The following ZBTB16 variants were observed in gnomAD, a reference collection of about 807,000 sequenced individuals.
The protein encoded by ZBTB16 is zinc finger and BTB domain containing 16.
Under a neutral mutation model 56.8 loss-of-function variants are expected in ZBTB16, and 8 were observed. That is an observed-to-expected ratio of 0.14 (90% CI 0.08 to 0.25). The LOEUF (loss-of-function observed/expected upper bound fraction) is 0.25. Among genes scored for constraint, ZBTB16 ranks in the 10% least tolerant of loss-of-function variants. The pLI, the probability that ZBTB16 is intolerant of heterozygous loss-of-function variation, is 1.00. For missense variants in ZBTB16, 625 were observed against 903.0 expected, an observed-to-expected ratio of 0.69 and a Z score of 3.95; for synonymous variants, 363 against 368.5, an observed-to-expected ratio of 0.98 and a Z score of 0.17.
rs574446147 is a variant in ZBTB16 at position 114,143,496 on chromosome 11, C to T, written c.1269-12841C>T. On this transcript the variant is annotated intron_variant, in intron 2 of 6. Coordinates refer to ENST00000335953, the MANE Select transcript of ZBTB16 (RefSeq NM_006006.6). This position sits in a 1 kb window ranked among gnomAD's most constrained non-coding sequence, Gnocchi z 6.4. ...GGCTTCTAGGGATGGTACTGACCCT[C>T]TTGCCTAGTGAAATGTCCTTTTGGA... Among the ~76,000 whole-genome samples the T allele has an allele frequency of 6.6e-6, 1 of 152,290 alleles. No individual in the cohort carries two copies. The highest frequency in any genetic ancestry group is 2.1e-4 in the South Asian group (1 of 4,824).
At position 114,064,162 on chromosome 11, in the gene ZBTB16, G is replaced by A. The variant is rs1255771928; in HGVS notation, c.862G>A (p.Val288Ile). 5 of 1,613,768 alleles carry A rather than the reference G, an allele frequency of 3.1e-6. No homozygotes were observed. The highest frequency in any genetic ancestry group is 2.2e-5 in the East Asian group (1 of 44,880). Residue 288 changes from valine (V) to isoleucine (I), a missense_variant, in exon 2 of 7, where the codon GTC (valine) becomes ATC (isoleucine). Val to Ile is a conservative substitution (Grantham distance 29). Transcript: ENST00000335953. The surrounding 1 kb of genome is among the most constrained non-coding windows in gnomAD (Gnocchi z 4.2). ...GCCTGGGACCCCGACTCGAAGCAGC[G>A]TCATCACCAGTGCTAGGGAGCTACA... ...EGPGTPTRSSVITSARELHYG... is the reference protein window; with the variant it reads ...EGPGTPTRSSIITSARELHYG...
rs573761326 is a variant in ZBTB16, at chr11:114,146,307, G to T, written c.1269-10030G>T. ...TCTCGGTGACTCCTTTTTAGCTGCTGGTTTTCCTGCCCCTTTCAGGGAAAG... is the reference window on the plus strand; with the variant it reads ...TCTCGGTGACTCCTTTTTAGCTGCTTGTTTTCCTGCCCCTTTCAGGGAAAG... On this transcript the variant is annotated intron_variant, in intron 2 of 6. Coordinates refer to ENST00000335953, the MANE Select transcript of ZBTB16 (RefSeq NM_006006.6). Among the ~76,000 whole-genome samples, 7 of 152,096 alleles carry T rather than the reference G, an allele frequency of 4.6e-5. No homozygotes were observed. In the East Asian group the frequency reaches 1.4e-3, roughly 29 times the overall value.
In ZBTB16 at chr11:114,250,686, T is replaced by C. The variant is rs1944903020; in HGVS notation, c.*131T>C. 3 of 1,090,188 alleles carry C rather than the reference T, an allele frequency of 2.8e-6. No individual in the cohort carries two copies. Among genetic ancestry groups the C allele is most frequent in the Non-Finnish European group, 2.6e-6 (2 of 764,052 alleles). 67.5% of individuals were successfully genotyped at this position (1,090,188 alleles called of 1,614,324 possible). ...CAGAAGGAAAAGGAAACCTGGTAGC[T>C]TTTTGGCCTTGGATTCTCTCTGGGC... On this transcript the variant is annotated 3_prime_UTR_variant, in exon 7 of 7. Transcript: ENST00000335953. This position sits in a 1 kb window ranked among gnomAD's most constrained non-coding sequence, Gnocchi z 6.0.
chr11:114,166,201 CGTGTGTGT>C lies in ZBTB16; in HGVS notation c.1366+9806_1366+9813del, dbSNP rs3057730. Among the ~76,000 whole-genome samples, 1,013 of 134,112 alleles carry C rather than the reference CGTGTGTGT, an allele frequency of 7.6e-3. 3 individuals are homozygous for C. Among genetic ancestry groups the C allele is most frequent in the Middle Eastern group, 0.022 (6 of 276 alleles). The allele number at this position is 134,112 out of a possible 152,430, so 88.0% of individuals were successfully genotyped here. ...TATCGTGGGGCAGAGGACTGGTCTA[CGTGTGTGT>C]GTGTGTGTGTGTGTGTGTGTGTGTG... is the stretch of plus-strand genomic sequence containing the variant. On this transcript the variant is annotated intron_variant, in intron 3 of 6. Transcript: ENST00000335953.
intron 2 of ZBTB16, among the ~76,000 whole-genome samples, chr11:114,100,469 G>A (rs994832833): frequency 1.3e-5 from 2 of 152,128 alleles, no homozygotes; most frequent in Non-Finnish European, 2.9e-5. Context: ...AATATAGTAG[G>A]CATGGGGGTT....
In ZBTB16 at chr11:114,255,392, CT is replaced by C. The variant is rs1944982836; in HGVS notation, c.*4843del. Among the ~76,000 whole-genome samples, 1 of 148,948 alleles carries C rather than the reference CT, an allele frequency of 6.7e-6. No homozygotes were observed. Among genetic ancestry groups the C allele is most frequent in the Non-Finnish European group, 1.5e-5 (1 of 67,126 alleles). Reference sequence around the variant, plus strand: ...TTTGTTTCTTCAATTTTACTGGTTACTTTTTTGTACAAATCAATCTCTTTCT... The same window carrying C: ...TTTGTTTCTTCAATTTTACTGGTTACTTTTTGTACAAATCAATCTCTTTCT... On this transcript the variant is annotated 3_prime_UTR_variant, in exon 7 of 7. Transcript: ENST00000335953.
intron 2 of ZBTB16, among the ~76,000 whole-genome samples, chr11:114,132,311 T>G (rs897846551): frequency 3.9e-5 from 6 of 152,180 alleles, no homozygotes; most frequent in African/African-American, 1.4e-4. Flanking sequence ...GCTCATTATT[T>G]CATATAAACT....
In ZBTB16 at chr11:114,064,548, C is replaced by T. The variant is rs116066082; in HGVS notation, c.1248C>T (p.Asn416=). 1.4e-3 allele frequency: 2,302 copies of T among 1,613,860 alleles called. 32 individuals are homozygous for T. The African/African-American group carries it at 0.026, about 18-fold the overall frequency. Residue 416 remains asparagine, a synonymous_variant, in exon 2 of 7, where the codon AAC becomes AAT. Transcript: ENST00000335953. The surrounding 1 kb of genome is among the most constrained non-coding windows in gnomAD (Gnocchi z 4.2). ...TGTGTGGGGTCGAGCTTCCTGATAA[C>T]GAGGCTGTGGAGCAGCACAGGTAGG... is the stretch of plus-strand genomic sequence containing the variant. ...CSVCGVELPD[N]EAVEQHRKLH...
At chr11:114,190,238 G>A (rs1408858623) in intron 4 of ZBTB16, among the ~76,000 whole-genome samples, 2 of 152,298 alleles carry the variant, frequency 1.3e-5, no homozygotes, top group African/African-American at 4.8e-5. Flanking sequence ...ATTGATTGTG[G>A]TGATGACTGC....
intron 2 of ZBTB16, among the ~76,000 whole-genome samples, chr11:114,142,898 A>G (rs1355971592): frequency 1.3e-5 from 2 of 152,138 alleles, no homozygotes; most frequent in Non-Finnish European, 2.9e-5. Flanking sequence ...AACGGGGAGG[A>G]AAAATGAAAG....
intron 2 of ZBTB16, among the ~76,000 whole-genome samples, chr11:114,103,666 A>C (rs906335874): frequency 7.2e-5 from 11 of 152,046 alleles, no homozygotes; most frequent in African/African-American, 2.7e-4. Context: ...ACCTCTGCAC[A>C]CAGGATGTTT....
At chr11:114,070,599 C>T (rs1591637635) in intron 2 of ZBTB16, among the ~76,000 whole-genome samples, 2 of 152,184 alleles carry the variant, frequency 1.3e-5, no homozygotes, top group African/African-American at 4.8e-5. Context: ...TTCTAATTCA[C>T]AGTCCTGGGC....
At chr11:114,225,087 G>A (rs1944302956) in intron 4 of ZBTB16, among the ~76,000 whole-genome samples, 1 of 152,148 alleles carries the variant, frequency 6.6e-6, no homozygotes, top group South Asian at 2.1e-4. Context: ...ATCCCAGGCA[G>A]GGGAGTTCAG....
chr11:114,218,530 T>C (rs1208993596), intron 4 of ZBTB16, among the ~76,000 whole-genome samples: 1 of 152,222 alleles, frequency 6.6e-6, no homozygotes, highest in African/African-American at 2.4e-5. Flanking sequence ...GCTGGAGTGA[T>C]TGACATAAAG....
chr11:114,128,075 C>G (rs1941559931), intron 2 of ZBTB16, among the ~76,000 whole-genome samples: 1 of 152,196 alleles, frequency 6.6e-6, no homozygotes, highest in East Asian at 1.9e-4. Context: ...TGGATCTAAG[C>G]CTTTCTTGCT....
chr11:114,217,367 G>A (rs943810562), intron 4 of ZBTB16, among the ~76,000 whole-genome samples: 2 of 152,172 alleles, frequency 1.3e-5, no homozygotes, highest in African/African-American at 4.8e-5. Context: ...AGACTTTTGT[G>A]GCTATCCTGA....
chr11:114,219,617 G>A (rs773989265), intron 4 of ZBTB16, among the ~76,000 whole-genome samples: 1 of 151,704 alleles, frequency 6.6e-6, no homozygotes, highest in Non-Finnish European at 1.5e-5. Flanking sequence ...GATAAAAGTT[G>A]ATTGGTTTTT....
chr11:114,117,289 G>A (rs867452178), intron 2 of ZBTB16, among the ~76,000 whole-genome samples: 3 of 152,038 alleles, frequency 2.0e-5, no homozygotes, highest in Admixed American at 6.6e-5. Flanking sequence ...GAGAGAAGCC[G>A]ACCTTTTATT....
At chr11:114,109,776 T>C (rs1940937233) in intron 2 of ZBTB16, among the ~76,000 whole-genome samples, 1 of 152,132 alleles carries the variant, frequency 6.6e-6, no homozygotes, top group Admixed American at 6.5e-5. Flanking sequence ...AAAACTGGCT[T>C]CATGGAGTTG....
Sources: gnomAD v4.1 joint callset for allele counts (sites outside exome capture counted in the v4.1 genomes callset) on GRCh38, gnomAD v4.1.1 for gene constraint, Gnocchi (gnomAD v3.1) non-coding constraint, MANE v1.5 for transcripts, NCBI Gene and HGNC (gene_info 2026-07-23, HGNC 2026-07-21) for gene names.